EMB: variants seen among roughly 807,000 people sequenced by gnomAD.
EMB encodes the protein embigin homolog.
EMB carries 31 observed loss-of-function variants against 41.4 expected under a neutral mutation model. The observed-to-expected ratio is 0.75, with a 90% CI of 0.56 to 1.01. The LOEUF (loss-of-function observed/expected upper bound fraction) is 1.01. Ranked by LOEUF, EMB falls within the 50% of genes least tolerant of loss-of-function variation. The pLI, the probability that EMB is intolerant of heterozygous loss-of-function variation, is 0.00. For synonymous variants in EMB, 137 were observed against 140.4 expected, an observed-to-expected ratio of 0.98 and a Z score of 0.17; for missense variants, 379 against 388.3, an observed-to-expected ratio of 0.98 and a Z score of 0.20.
intron 2 of EMB, among the ~76,000 whole-genome samples, chr5:50,420,817 C>T (rs1745508279): frequency 6.6e-6 from 1 of 152,126 alleles, no homozygotes; most frequent in South Asian, 2.1e-4. Context: ...TTCCCTTAGA[C>T]TGAAGGTTCA....
chr5:50,442,356 A>G (rs926044653), upstream of EMB, among the ~76,000 whole-genome samples: 2 of 152,236 alleles, frequency 1.3e-5, no homozygotes, highest in African/African-American at 4.8e-5. Flanking sequence ...TTATATGCAC[A>G]AAACTTTGGA....
At chr5:50,419,548 T>TACACAGACACACACACAC (rs1745482679) in intron 2 of EMB, among the ~76,000 whole-genome samples, 1 of 147,108 alleles carries the variant, frequency 6.8e-6, no homozygotes, top group Admixed American at 6.8e-5. Flanking sequence ...CACACACACA[T>TACACAGACACACACACAC]ACACACACAC....
intron 7 of EMB, among the ~76,000 whole-genome samples, chr5:50,401,558 G>A (rs375077769): frequency 6.6e-6 from 1 of 151,906 alleles, no homozygotes; most frequent in Non-Finnish European, 1.5e-5. Context: ...CTCTGTCACT[G>A]GCCTCCATAC....
intron 1 of EMB, among the ~76,000 whole-genome samples, chr5:50,436,619 G>A (rs1745807296): frequency 6.6e-6 from 1 of 152,138 alleles, no homozygotes; most frequent in Admixed American, 6.5e-5. Context: ...CTCAACTCTG[G>A]GATCCTGTGT....
intron 1 of EMB, among the ~76,000 whole-genome samples, chr5:50,437,686 G>A (rs1264564897): frequency 2.0e-5 from 3 of 148,768 alleles, no homozygotes; most frequent in Admixed American, 6.7e-5. Context: ...TCAGACATAT[G>A]TGGGTGCTTG....
At chr5:50,400,747 C>T (rs1386771072) in intron 7 of EMB, among the ~76,000 whole-genome samples, 2 of 151,996 alleles carry the variant, frequency 1.3e-5, no homozygotes, top group African/African-American at 2.4e-5. Flanking sequence ...TGGTGCTATA[C>T]AAGATGAGCA....
chr5:50,441,935 A>T (rs1181899284), upstream of EMB, among the ~76,000 whole-genome samples: 2 of 152,148 alleles, frequency 1.3e-5, no homozygotes, highest in Non-Finnish European at 2.9e-5. Context: ...ACCTTTGTTA[A>T]ATCCGAACAC....
At chr5:50,413,662 G>A (rs1188249741) in intron 2 of EMB, among the ~76,000 whole-genome samples, 11 of 149,850 alleles carry the variant, frequency 7.3e-5, no homozygotes, top group East Asian at 5.9e-4. Context: ...TGCAACCTCC[G>A]CCTCCCGGAT....
At chr5:50,411,450 T>C (rs2111796002) in intron 2 of EMB, 67 bp from the exon 3 acceptor site, 5 of 1,099,416 alleles carry the variant, frequency 4.5e-6, no homozygotes, top group Non-Finnish European at 6.3e-6. Context: ...TAAAACCTTT[T>C]ATATTATTAA....
At chr5:50,402,458 C>CT (rs1455375213) in intron 6 of EMB, 139 bp from the exon 7 acceptor site, 2 of 741,502 alleles carry the variant, frequency 2.7e-6, no homozygotes. Flanking sequence ...GACATGCTAC[C>CT]TTAAACACCT....
chr5:50,420,707 A>G (rs1745505944), intron 2 of EMB, among the ~76,000 whole-genome samples: 3 of 152,240 alleles, frequency 2.0e-5, no homozygotes, highest in Admixed American at 2.0e-4. Flanking sequence ...CATGTTCACC[A>G]CTGTAAACGA....
intron 2 of EMB, among the ~76,000 whole-genome samples, 182 bp downstream of exon 2, chr5:50,427,962 T>G (rs2111845550): frequency 6.6e-6 from 1 of 152,304 alleles, no homozygotes; most frequent in Admixed American, 6.5e-5. Flanking sequence ...TTTTCCTCCT[T>G]TGTGCGCCCC....
intron 8 of EMB, among the ~76,000 whole-genome samples, chr5:50,399,645 T>C (rs1358929001): frequency 6.6e-6 from 1 of 152,014 alleles, no homozygotes; most frequent in African/African-American, 2.4e-5. Context: ...GATTTACTTC[T>C]AGATTAGTTG....
In EMB at chr5:50,396,795, A is replaced by G. The variant is rs1745073318; in HGVS notation, c.*2478T>C. 2 of 108,776 alleles carry G rather than the reference A, an allele frequency of 1.8e-5. No homozygotes were observed. Among genetic ancestry groups the G allele is most frequent in the Admixed American group, 8.7e-5 (1 of 11,528 alleles). 6.7% of individuals were successfully genotyped at this position (108,776 alleles called of 1,614,324 possible). On this transcript the variant is annotated 3_prime_UTR_variant, in exon 9 of 9. Transcript: ENST00000303221. ...ACTGAGGTAGGAAAATCAAGGCATTAGTGTTGCAGCAGGTGTGGGCAGAGT... is the reference window on the plus strand; with the variant it reads ...ACTGAGGTAGGAAAATCAAGGCATTGGTGTTGCAGCAGGTGTGGGCAGAGT...
chr5:50,428,206 G>A lies in EMB; in HGVS notation c.134C>T (p.Pro45Leu), dbSNP rs1419989029. 6.2e-7 allele frequency: 1 copy of A among 1,611,724 alleles called. No individual in the cohort carries two copies. Among genetic ancestry groups the A allele is most frequent in the East Asian group, 2.2e-5 (1 of 44,830 alleles). Reference protein sequence around the residue: ...SAPDSPFTSPPLREEIMANNF... With the variant: ...SAPDSPFTSPLLREEIMANNF... The stretch of plus-strand genomic sequence containing the variant: ...ATTTGCCATTATTTCTTCTCTGAGA[G>A]GTGGACTTGTAAAAGGCGAATCTAT... Residue 45 changes from proline (P) to leucine (L), a missense_variant, in exon 2 of 9, where the codon CCT (proline) becomes CTT (leucine). By Grantham distance (98) the Pro-to-Leu change is moderately conservative (BLOSUM62 -3). Transcript: ENST00000303221.
chr5:50,411,960 G>C (rs1477104116), intron 2 of EMB: 1 of 152,052 alleles, frequency 6.6e-6, no homozygotes, highest in Non-Finnish European at 1.5e-5. Flanking sequence ...CAGTAGTTCT[G>C]AATTTTGACT....
At chr5:50,418,063 T>C (rs1032330972) in intron 2 of EMB, among the ~76,000 whole-genome samples, 2 of 152,252 alleles carry the variant, frequency 1.3e-5, no homozygotes, top group Non-Finnish European at 2.9e-5. Context: ...TCTGTTTGAA[T>C]TCCAGAATTG....
chr5:50,441,136 CG>C lies in EMB; in HGVS notation c.15del (p.Gly6AlafsTer45). The C allele has an allele frequency of 6.7e-7, 1 of 1,502,366 alleles. No homozygotes were observed. The highest frequency in any genetic ancestry group is 8.9e-7 in the Non-Finnish European group (1 of 1,129,240). 93.1% of individuals were successfully genotyped at this position (1,502,366 alleles called of 1,614,324 possible). ...GTACGCGCCCTGGCCTCCAGCAGGCCGGGGAGGGCGCGCATGGCGCCAGAGG... is the reference window on the plus strand; with the variant it reads ...GTACGCGCCCTGGCCTCCAGCAGGCCGGGAGGGCGCGCATGGCGCCAGAGG... MRAL[P>X]GLLEARARTP... On this transcript the variant is annotated frameshift_variant, in exon 1 of 9. Coordinates refer to ENST00000303221, the MANE Select transcript of EMB (RefSeq NM_198449.3). LOFTEE classifies it high-confidence loss of function.
In EMB at chr5:50,428,124, T is replaced by G. The variant is rs902284607; in HGVS notation, c.196+20A>C. On this transcript the variant is annotated intron_variant, in intron 2 of 8. Coordinates refer to ENST00000303221, the MANE Select transcript of EMB (RefSeq NM_198449.3). ...AACCCTTTTTTTCGAATTGCATTATTTGAAACATGATACATTTACCAGTCA... is the reference window on the plus strand; with the variant it reads ...AACCCTTTTTTTCGAATTGCATTATGTGAAACATGATACATTTACCAGTCA... The G allele has an allele frequency of 6.5e-6, 10 of 1,547,006 alleles. No individual in the cohort carries two copies. In the African/African-American group the frequency reaches 1.1e-4, roughly 17 times the overall value.
Sources: gnomAD v4.1 joint callset for allele counts (sites outside exome capture counted in the v4.1 genomes callset) on GRCh38, gnomAD v4.1.1 for gene constraint, MANE v1.5 for transcripts, NCBI Gene and HGNC (gene_info 2026-07-23, HGNC 2026-07-21) for gene names.